The following CHODL variants were observed in gnomAD, a reference collection of about 807,000 sequenced individuals.
CHODL encodes the protein transmembrane protein MT75.
CHODL carries 29 observed loss-of-function variants against 34.5 expected under a neutral mutation model. The observed-to-expected ratio is 0.84, with a 90% CI of 0.63 to 1.15. The LOEUF is 1.15. Among genes scored for constraint, CHODL ranks in the 50% most tolerant of loss-of-function variants. The probability of loss-of-function intolerance (pLI) is 0.00; values close to 1 mark genes in which losing one functional copy is unlikely to be tolerated. For missense variants in CHODL, 332 were observed against 332.5 expected (o/e 1.00, Z 0.01); for synonymous variants, 125 against 116.1 (o/e 1.08, Z -0.49).
intron 2 of CHODL, among the ~76,000 whole-genome samples, chr21:18,096,377 C>A (rs2065139996): frequency 6.6e-6 from 1 of 152,178 alleles, no homozygotes; most frequent in South Asian, 2.1e-4. Context: ...GGTCTGACTG[C>A]CTGCGGGGCC....
intron 2 of CHODL, among the ~76,000 whole-genome samples, chr21:18,135,631 A>G (rs1601051502): frequency 6.6e-6 from 1 of 152,284 alleles, no homozygotes; most frequent in African/African-American, 2.4e-5. Flanking sequence ...ACAGCAGTCA[A>G]ATCTACCTCT....
chr21:18,129,864 C>G (rs141528398), intron 2 of CHODL, among the ~76,000 whole-genome samples: 4 of 149,826 alleles, frequency 2.7e-5, no homozygotes, highest in African/African-American at 9.9e-5. Flanking sequence ...ATAAATACAT[C>G]TTTAGTATTC....
At chr21:18,041,396 T>G (rs1433436137) in intron 2 of CHODL, among the ~76,000 whole-genome samples, 1 of 151,930 alleles carries the variant, frequency 6.6e-6, no homozygotes, top group Non-Finnish European at 1.5e-5. Flanking sequence ...GCATTAAAAT[T>G]AAAAATGACT....
chr21:17,996,593 C>T lies in CHODL; in HGVS notation c.-144-31279C>T, dbSNP rs117980191. Among the ~76,000 whole-genome samples, 879 of 152,200 alleles carry T rather than the reference C, an allele frequency of 5.8e-3. 8 individuals carry two copies. Among genetic ancestry groups the T allele is most frequent in the African/African-American group, 0.013 (559 of 41,534 alleles). On this transcript the variant is annotated intron_variant, in intron 1 of 6. Coordinates refer to the CHODL transcript ENST00000400127. ...AAAAAGGGGAATCAAATGGACTCTC[C>T]GGAAAATCATCTCAGAGGGATTTGA...
intron 2 of CHODL, among the ~76,000 whole-genome samples, chr21:18,227,863 C>T (rs1202625697): frequency 2.0e-5 from 3 of 152,138 alleles, no homozygotes; most frequent in African/African-American, 7.2e-5. Flanking sequence ...ATTATAGCAA[C>T]AATATCTAAA....
chr21:18,200,336 A>T (rs890404669), intron 2 of CHODL, among the ~76,000 whole-genome samples: 1 of 152,198 alleles, frequency 6.6e-6, no homozygotes, highest in East Asian at 1.9e-4. Context: ...ATAATCTATT[A>T]AATTGAGCTT....
intron 2 of CHODL, among the ~76,000 whole-genome samples, chr21:18,220,241 G>A (rs60189960): frequency 0.017 from 2,591 of 152,024 alleles, 70 homozygotes; most frequent in African/African-American, 0.057. Context: ...TCAGATTTTC[G>A]TAGGTAGCAT....
chr21:18,144,736 C>T, intron 2 of CHODL, among the ~76,000 whole-genome samples: 1 of 151,792 alleles, frequency 6.6e-6, no homozygotes, highest in Non-Finnish European at 1.5e-5. Flanking sequence ...TTTTTTCCTC[C>T]ATTGTAAGAA....
intron 1 of CHODL, among the ~76,000 whole-genome samples, chr21:17,947,072 G>C (rs1032591293): frequency 1.3e-5 from 2 of 152,030 alleles, no homozygotes; most frequent in Non-Finnish European, 2.9e-5. Flanking sequence ...ACTAGTAAGA[G>C]AGTTAGCAAC....
chr21:18,097,062 G>A (rs1483436081), intron 2 of CHODL, among the ~76,000 whole-genome samples: 3 of 152,010 alleles, frequency 2.0e-5, no homozygotes, highest in Non-Finnish European at 4.4e-5. Context: ...GGTATAGAAG[G>A]AATATATCTC....
chr21:17,989,279 G>A (rs1367503652), intron 1 of CHODL, among the ~76,000 whole-genome samples: 1 of 152,100 alleles, frequency 6.6e-6, no homozygotes, highest in African/African-American at 2.4e-5. Context: ...CCTTCAGTGG[G>A]AACTTGAAGA....
At chr21:18,113,667 C>A (rs1473659935) in intron 2 of CHODL, among the ~76,000 whole-genome samples, 1 of 152,084 alleles carries the variant, frequency 6.6e-6, no homozygotes, top group Non-Finnish European at 1.5e-5. Context: ...GGGAATCCAC[C>A]CATGATCCAG....
chr21:17,929,880 G>T (rs1008443), intron 1 of CHODL, among the ~76,000 whole-genome samples: 64,235 of 151,878 alleles, frequency 0.42, 13,641 homozygotes, highest in South Asian at 0.54. Context: ...TGTGTATCAC[G>T]GCTGCTGCTG....
chr21:17,928,718 G>C (rs952690644), intron 1 of CHODL, among the ~76,000 whole-genome samples: 1 of 152,194 alleles, frequency 6.6e-6, no homozygotes, highest in South Asian at 2.1e-4. Context: ...TACTTCCCCT[G>C]CTGTGGAAAC....
chr21:18,250,630 C>G (rs1420428127), intron 1 of CHODL, among the ~76,000 whole-genome samples: 1 of 151,900 alleles, frequency 6.6e-6, no homozygotes, highest in Non-Finnish European at 1.5e-5. Context: ...GAACGCAGAA[C>G]ACTTGAACAC....
At chr21:18,011,093 T>G (rs1224201183) in intron 1 of CHODL, among the ~76,000 whole-genome samples, 1 of 151,482 alleles carries the variant, frequency 6.6e-6, no homozygotes, top group African/African-American at 2.5e-5. Context: ...TATGTAATAC[T>G]ACCATTTTCC....
rs570472450 is a variant in CHODL, at chr21:18,179,381, T to A, written c.-44-77128T>A. On this transcript the variant is annotated intron_variant, in intron 2 of 6. Coordinates refer to the CHODL transcript ENST00000400127. ...ATCATTTCTGTCATTCTACTCACCATTTTGAATTGATTCTATGTGGTTTCT... is the reference window on the plus strand; with the variant it reads ...ATCATTTCTGTCATTCTACTCACCAATTTGAATTGATTCTATGTGGTTTCT... Among the ~76,000 whole-genome samples the A allele has an allele frequency of 1.1e-3, 161 of 152,334 alleles. 4 individuals are homozygous for A. The highest frequency in any genetic ancestry group is 0.01 in the Admixed American group (157 of 15,306).
chr21:17,986,425 G>A (rs907420979), intron 1 of CHODL, among the ~76,000 whole-genome samples: 6 of 151,620 alleles, frequency 4.0e-5, no homozygotes, highest in African/African-American at 4.9e-5. Flanking sequence ...TTTGGTTTTC[G>A]GATCTTGTGA....
At chr21:18,013,722 C>T (rs1252402736) in intron 1 of CHODL, among the ~76,000 whole-genome samples, 1 of 137,762 alleles carries the variant, frequency 7.3e-6, no homozygotes, top group Non-Finnish European at 1.5e-5. Context: ...GCAACCTCTG[C>T]CGCCTGGGTT....
Sources: gnomAD v4.1 joint callset for allele counts (sites outside exome capture counted in the v4.1 genomes callset) on GRCh38, gnomAD v4.1.1 for gene constraint, MANE v1.5 for transcripts, NCBI Gene and HGNC (gene_info 2026-07-23, HGNC 2026-07-21) for gene names.